ZNF804B: variants seen among roughly 807,000 people sequenced by gnomAD.
ZNF804B encodes zinc finger 804B.
A neutral mutation model predicts 101.4 loss-of-function variants in ZNF804B; 80 were observed. The observed-to-expected ratio is 0.79, with a 90% CI of 0.66 to 0.95. The LOEUF (loss-of-function observed/expected upper bound fraction) is 0.95, where lower values mean the gene tolerates loss of function less well. ZNF804B is among the 40% of genes least tolerant of loss of function. The pLI is 0.00. For synonymous variants in ZNF804B, 622 were observed against 558.8 expected (o/e 1.11, Z -1.59); for missense variants, 1,673 against 1,561.9 (o/e 1.07, Z -1.20).
At chr7:89,178,889 G>A (rs1788248487) in intron 1 of ZNF804B, among the ~76,000 whole-genome samples, 1 of 151,944 alleles carries the variant, frequency 6.6e-6, no homozygotes, top group Non-Finnish European at 1.5e-5. Context: ...TGTTCGTCTG[G>A]GAAAGTCTTT....
At chr7:88,814,555 T>A (rs17164522) in intron 1 of ZNF804B, among the ~76,000 whole-genome samples, 5,425 of 152,038 alleles carry the variant, frequency 0.036, 115 homozygotes, top group Admixed American at 0.045. Flanking sequence ...TGAGACTCAG[T>A]TGAGGCAACT....
At chr7:88,980,504 C>T (rs371622043) in intron 1 of ZNF804B, among the ~76,000 whole-genome samples, 1 of 152,090 alleles carries the variant, frequency 6.6e-6, no homozygotes. Flanking sequence ...TCTTTGTTCA[C>T]TGCAGCCATA....
chr7:89,022,994 T>C (rs554188170), intron 1 of ZNF804B, among the ~76,000 whole-genome samples: 1 of 152,312 alleles, frequency 6.6e-6, no homozygotes, highest in East Asian at 1.9e-4. Flanking sequence ...TGTCATTAAA[T>C]ACATTTAGAG....
chr7:88,786,536 T>C (rs1790305494), intron 1 of ZNF804B, among the ~76,000 whole-genome samples: 1 of 152,142 alleles, frequency 6.6e-6, no homozygotes, highest in East Asian at 1.9e-4. Flanking sequence ...TTTAGCTTAA[T>C]TTATTTTAAT....
intron 1 of ZNF804B, among the ~76,000 whole-genome samples, chr7:89,100,822 A>G (rs914474669): frequency 6.6e-6 from 1 of 152,054 alleles, no homozygotes; most frequent in Non-Finnish European, 1.5e-5. Flanking sequence ...CCTGTAACAA[A>G]TTATCTCACA....
intron 1 of ZNF804B, among the ~76,000 whole-genome samples, chr7:89,056,653 C>G (rs553408262): frequency 6.6e-6 from 1 of 152,118 alleles, no homozygotes; most frequent in South Asian, 2.1e-4. Context: ...CAACATAATA[C>G]TTTTCCAGAA....
chr7:88,776,575 T>G (rs1790144928), intron 1 of ZNF804B, among the ~76,000 whole-genome samples: 1 of 149,990 alleles, frequency 6.7e-6, no homozygotes, highest in Admixed American at 6.6e-5. Flanking sequence ...TTTTTTTTTT[T>G]TTTTTTCAGA....
intron 2 of ZNF804B, among the ~76,000 whole-genome samples, chr7:89,304,360 A>G (rs1790528419): frequency 6.6e-6 from 1 of 151,928 alleles, no homozygotes; most frequent in African/African-American, 2.4e-5. Flanking sequence ...AATGGGGTTG[A>G]GTTCAATTTC....
At chr7:89,074,919 C>G (rs1583971581) in intron 1 of ZNF804B, among the ~76,000 whole-genome samples, 1 of 152,114 alleles carries the variant, frequency 6.6e-6, no homozygotes, top group Non-Finnish European at 1.5e-5. Context: ...GGTAACTCTT[C>G]TTATGTTTTT....
intron 1 of ZNF804B, among the ~76,000 whole-genome samples, chr7:88,934,819 A>G (rs563656090): frequency 1.4e-4 from 21 of 151,880 alleles, no homozygotes; most frequent in Admixed American, 2.6e-4. Flanking sequence ...AAACACTGTG[A>G]CAATTCCTTA....
intron 2 of ZNF804B, among the ~76,000 whole-genome samples, chr7:89,221,308 C>T (rs1789000811): frequency 6.6e-6 from 1 of 151,870 alleles, no homozygotes; most frequent in African/African-American, 2.4e-5. Flanking sequence ...GGATTTTATG[C>T]AGGTGGCTTT....
intron 2 of ZNF804B, among the ~76,000 whole-genome samples, chr7:89,316,581 A>G (rs1311964908): frequency 6.6e-6 from 1 of 152,206 alleles, no homozygotes. Flanking sequence ...CACTTAGGTT[A>G]TGGAAAATCA....
chr7:89,105,274 A>G (rs372471436), intron 1 of ZNF804B, among the ~76,000 whole-genome samples: 1 of 152,238 alleles, frequency 6.6e-6, no homozygotes. Flanking sequence ...ACTGTTATAG[A>G]TAACAATAAC....
At chr7:89,126,194 T>A (rs1790472092) in intron 1 of ZNF804B, among the ~76,000 whole-genome samples, 1 of 152,072 alleles carries the variant, frequency 6.6e-6, no homozygotes, top group Non-Finnish European at 1.5e-5. Context: ...TCAGCTTTTT[T>A]AACATATTAG....
chr7:89,187,834 T>C (rs1788396451), intron 1 of ZNF804B, among the ~76,000 whole-genome samples: 1 of 152,168 alleles, frequency 6.6e-6, no homozygotes, highest in Non-Finnish European at 1.5e-5. Flanking sequence ...AATGACACTG[T>C]GTTAGAGTTC....
At chr7:89,104,638 C>T (rs1291095597) in intron 1 of ZNF804B, among the ~76,000 whole-genome samples, 1 of 151,688 alleles carries the variant, frequency 6.6e-6, no homozygotes, top group Non-Finnish European at 1.5e-5. Flanking sequence ...CTTTTTTTCC[C>T]TCTTATTTTC....
At chr7:89,139,108 G>A (rs766010646) in intron 1 of ZNF804B, among the ~76,000 whole-genome samples, 1 of 152,056 alleles carries the variant, frequency 6.6e-6, no homozygotes, top group African/African-American at 2.4e-5. Context: ...AATACAGTGA[G>A]TCAAGGAATT....
intron 1 of ZNF804B, among the ~76,000 whole-genome samples, chr7:88,912,300 A>T (rs1792560175): frequency 6.6e-6 from 1 of 152,044 alleles, no homozygotes; most frequent in Non-Finnish European, 1.5e-5. Context: ...GGAGTTTATT[A>T]TATAATCTGG....
intron 1 of ZNF804B, among the ~76,000 whole-genome samples, chr7:89,037,272 C>G (rs763961942): frequency 1.3e-5 from 2 of 151,936 alleles, no homozygotes; most frequent in Non-Finnish European, 2.9e-5. Flanking sequence ...ATGTACAGAC[C>G]ACCAACATGC....
Sources: allele counts gnomAD v4.1 joint callset (sites outside exome capture counted in the v4.1 genomes callset), GRCh38; gene constraint gnomAD v4.1.1; transcripts MANE v1.5; gene names NCBI Gene and HGNC (gene_info 2026-07-23, HGNC 2026-07-21).